Variants in TP53I13 observed in about 807,000 individuals in gnomAD.
The protein encoded by TP53I13 is tumor protein p53-inducible protein 13.
TP53I13 carries 27 observed loss-of-function variants against 39.1 expected under a neutral mutation model. The observed-to-expected ratio is 0.69, with a 90% CI of 0.51 to 0.95. The LOEUF is 0.95. Ranked by LOEUF, TP53I13 falls within the 40% of genes least tolerant of loss-of-function variation. TP53I13 has a pLI of 0.00. For synonymous variants in TP53I13, 230 were observed against 224.6 expected (o/e 1.02, Z -0.22); for missense variants, 544 against 520.4 (o/e 1.05, Z -0.44).
chr17:29,576,615 C>T, downstream of TP53I13: 2 of 1,614,052 alleles, frequency 1.2e-6, no homozygotes, highest in Non-Finnish European at 1.7e-6. Flanking sequence ...GGGCCTTCTT[C>T]AGCTCCAGGT....
At chr17:29,576,147 CAGCG>C (rs1462011368), downstream of TP53I13, 7 of 1,613,410 alleles carry the variant, frequency 4.3e-6, no homozygotes, top group Non-Finnish European at 5.9e-6. Flanking sequence ...GATGTTAGCA[CAGCG>C]AGCGTCATGG....
chr17:29,581,636 C>G, the TP53I13 span: 6 of 862,776 alleles, frequency 7.0e-6, no homozygotes, highest in African/African-American at 1.7e-5. This position sits in a 1 kb window ranked among gnomAD's most constrained non-coding sequence, Gnocchi z 4.8. Context: ...ACATTGCTCC[C>G]CAGCCGCTCT....
chr17:29,574,544 CAG>C (rs372467014), downstream of TP53I13: 168 of 707,120 alleles, frequency 2.4e-4, no homozygotes, highest in East Asian at 7.6e-4. Flanking sequence ...AGGGGCTCGA[CAG>C]GGGTGGGCAC....
chr17:29,572,504 C>A lies in TP53I13; in HGVS notation c.876C>A (p.Arg292=). ...CAAGTCAGGCTTCCCCGGCCCCTCG[C>A]GCAGCAGCGCCTCCACGGGCAGCCC... The part of the protein sequence containing the change: ...VCSSQASPAP[R]AAAPPRAARG... Residue 292 remains arginine, a synonymous_variant, in exon 6 of 7, where the codon CGC becomes CGA. Coordinates refer to ENST00000301057, the MANE Select transcript of TP53I13 (RefSeq NM_138349.4). The A allele has an allele frequency of 5.0e-6, 8 of 1,605,078 alleles. No homozygotes were observed. Among genetic ancestry groups the A allele is most frequent in the Non-Finnish European group, 6.8e-6 (8 of 1,176,010 alleles).
downstream of TP53I13, chr17:29,577,692 C>T (rs781418330): frequency 4.3e-6 from 7 of 1,612,844 alleles, no homozygotes; most frequent in Non-Finnish European, 5.9e-6. Context: ...AGGAAGGGCA[C>T]GGCACTGCGC....
chr17:29,577,482 A>G (rs1317472793), downstream of TP53I13, among the ~76,000 whole-genome samples: 3 of 152,184 alleles, frequency 2.0e-5, no homozygotes, highest in Non-Finnish European at 4.4e-5. Context: ...CAAGTGCTCA[A>G]AACAACAGCC....
At chr17:29,578,037 G>A (rs1037848344), downstream of TP53I13, among the ~76,000 whole-genome samples, 2 of 152,214 alleles carry the variant, frequency 1.3e-5, no homozygotes, top group African/African-American at 4.8e-5. Flanking sequence ...GCGGTACCAG[G>A]GAGACAGCCA....
the TP53I13 span, among the ~76,000 whole-genome samples, chr17:29,582,326 G>A: frequency 3.3e-5 from 5 of 152,244 alleles, no homozygotes; most frequent in East Asian, 1.9e-4. Flanking sequence ...AAACGCTGCC[G>A]TCAGTCACCA....
At position 29,568,824 on chromosome 17, in the gene TP53I13, C is replaced by T. The variant is rs2032809052; in HGVS notation, c.66C>T (p.Pro22=). Residue 22 remains proline, a synonymous_variant, in exon 1 of 7, where the codon CCC becomes CCT. Coordinates refer to ENST00000301057, the MANE Select transcript of TP53I13 (RefSeq NM_138349.4). This position sits in a 1 kb window ranked among gnomAD's most constrained non-coding sequence, Gnocchi z 4.5. The stretch of plus-strand genomic sequence containing the variant: ...CAGCCCTCGCGAGGCTCCTGGGTCC[C>T]AGCGAGGTAAGGTGACCCGCTCCTG... ...LLAALARLLG[P]SEVMAGPAEE... is the part of the protein sequence containing the mutation. 1 of 1,599,660 alleles carries T rather than the reference C, an allele frequency of 6.3e-7. No homozygotes were observed. Among genetic ancestry groups the T allele is most frequent in the Non-Finnish European group, 8.5e-7 (1 of 1,179,544 alleles).
Position 29,572,956 on chromosome 17 carries a change from T to C in TP53I13, c.*32T>C, listed in dbSNP as rs2033022730. 2 of 1,377,270 alleles carry C rather than the reference T, an allele frequency of 1.5e-6. No homozygotes were observed. The highest frequency in any genetic ancestry group is 1.9e-6 in the Non-Finnish European group (2 of 1,069,420). The allele number at this position is 1,377,270 out of a possible 1,614,324, so 85.3% of individuals were successfully genotyped here. ...GGGACCTGCCACTGTGGCGTGCGGCTCCTCCCCGCGCCGCGAGGCCGCGAC... is the reference window on the plus strand; with the variant it reads ...GGGACCTGCCACTGTGGCGTGCGGCCCCTCCCCGCGCCGCGAGGCCGCGAC... On this transcript the variant is annotated 3_prime_UTR_variant, in exon 7 of 7. Transcript: ENST00000301057.
the TP53I13 span, among the ~76,000 whole-genome samples, chr17:29,579,520 A>C: frequency 6.6e-6 from 1 of 152,128 alleles, no homozygotes; most frequent in Admixed American, 6.5e-5. Context: ...CCAAGGTGGG[A>C]GGTTCGCTTG....
chr17:29,570,937 CT>C (rs1000322357), intron 3 of TP53I13: 2 of 152,424 alleles, frequency 1.3e-5, no homozygotes, highest in African/African-American at 2.4e-5. Context: ...TGGCATCAGC[CT>C]TTATTCCTCC....
chr17:29,569,560 T>TCTGTCCTG, intron 3 of TP53I13: 1 of 535,754 alleles, frequency 1.9e-6, no homozygotes, highest in Non-Finnish European at 3.3e-6. Flanking sequence ...CAGTGAGCCA[T>TCTGTCCTG]AGGCCTGTCA....
At chr17:29,578,257 G>A in the TP53I13 span, 10 of 1,520,024 alleles carry the variant, frequency 6.6e-6, no homozygotes, top group African/African-American at 1.4e-5. Context: ...TGCCTGGGCC[G>A]CTCGGGTCCT....
At chr17:29,566,891 G>T (rs1388732913), upstream of TP53I13, 3 of 1,493,972 alleles carry the variant, frequency 2.0e-6, no homozygotes, top group Non-Finnish European at 2.7e-6. Flanking sequence ...CAGGGTCCCC[G>T]GAGCCGCGGG....
chr17:29,577,699 G>A (rs1489794073), downstream of TP53I13: 1 of 1,612,906 alleles, frequency 6.2e-7, no homozygotes, highest in South Asian at 1.1e-5. Context: ...GCACGGCACT[G>A]CGCTCTGTCA....
intron 6 of TP53I13, 42 bp from the exon 7 acceptor site, chr17:29,572,770 C>T: frequency 4.4e-6 from 3 of 686,088 alleles, no homozygotes; most frequent in Non-Finnish European, 4.6e-6. Context: ...CCCGTAGCTT[C>T]CCTGCCCTCC....
upstream of TP53I13, chr17:29,567,058 C>G: frequency 8.9e-7 from 1 of 1,126,938 alleles, no homozygotes; most frequent in Non-Finnish European, 1.1e-6. The surrounding 1 kb of genome is among the most constrained non-coding windows in gnomAD (Gnocchi z 6.6). Context: ...CCGCCGGCGG[C>G]GGCTGCCCAG....
rs202088038 is a variant in TP53I13, at chr17:29,572,008, C to T, written c.464C>T (p.Ser155Phe). Reference protein sequence around the residue: ...YCESLSGPAPSEPTPGRGRLC... With the variant: ...YCESLSGPAPFEPTPGRGRLC... ...GAAAGCCTTTCAGGGCCTGCTCCCT[C>T]CGAGCCAACTCCCGGTAGAGGGAGG... Residue 155 changes from serine to phenylalanine, a missense_variant, in exon 5 of 7, where the codon TCC (serine) becomes TTC (phenylalanine). Physicochemically the swap from Ser to Phe is radical, Grantham distance 155. Transcript: ENST00000301057. 12 of 1,613,188 alleles carry T rather than the reference C, an allele frequency of 7.4e-6. No individual in the cohort carries two copies. In the East Asian group the frequency reaches 2.7e-4, roughly 36 times the overall value.
Sources: gnomAD v4.1 joint callset for allele counts (sites outside exome capture counted in the v4.1 genomes callset) on GRCh38, gnomAD v4.1.1 for gene constraint, Gnocchi (gnomAD v3.1) non-coding constraint, MANE v1.5 for transcripts, NCBI Gene and HGNC (gene_info 2026-07-23, HGNC 2026-07-21) for gene names.